Variants in HPRT1 observed in about 807,000 individuals in gnomAD.
HPRT1 encodes the protein hypoxanthine-guanine phosphoribosyltransferase.
Under a neutral mutation model 19.0 loss-of-function variants are expected in HPRT1, and 4 were observed. That is an observed-to-expected ratio of 0.21 (90% CI 0.10 to 0.48). HPRT1 has a LOEUF of 0.48. Among genes scored for constraint, HPRT1 ranks in the 20% least tolerant of loss-of-function variants. The probability of loss-of-function intolerance (pLI) is 0.98; values close to 1 mark genes in which losing one functional copy is unlikely to be tolerated. For synonymous variants in HPRT1, 53 were observed against 54.9 expected, an observed-to-expected ratio of 0.97 and a Z score of 0.15; for missense variants, 65 against 164.0, an observed-to-expected ratio of 0.40 and a Z score of 3.30.
At chrX:134,460,428 C>T (rs1240304652) in intron 1 of HPRT1, 90 bp downstream of exon 1, 14 of 782,820 alleles carry the variant, frequency 1.8e-5, no homozygotes, top group Non-Finnish European at 2.1e-5. Flanking sequence ...GCAGTGCGGG[C>T]TCGGGCGGCC....
intron 4 of HPRT1, among the ~76,000 whole-genome samples, chrX:134,489,744 A>T (rs1242193777): frequency 8.9e-6 from 1 of 111,850 alleles, no homozygotes; most frequent in Non-Finnish European, 1.9e-5. Flanking sequence ...GTTTAGCCTA[A>T]TGAGAAAATA....
At chrX:134,479,501 C>T (rs2083248488) in intron 3 of HPRT1, among the ~76,000 whole-genome samples, 1 of 111,926 alleles carries the variant, frequency 8.9e-6, no homozygotes, top group African/African-American at 3.2e-5. Flanking sequence ...AACTCTTGAC[C>T]TCTGGTGATC....
intron 5 of HPRT1, among the ~76,000 whole-genome samples, chrX:134,492,100 A>T (rs1264818917): frequency 3.0e-5 from 3 of 98,821 alleles, no homozygotes; most frequent in Admixed American, 2.3e-4. Context: ...GGGTTTTGCC[A>T]TGTTGGCCAG....
intron 3 of HPRT1, among the ~76,000 whole-genome samples, chrX:134,478,383 G>A (rs1466375895): frequency 9.0e-6 from 1 of 110,934 alleles, no homozygotes; most frequent in Non-Finnish European, 1.9e-5. Context: ...TTGGGAGATC[G>A]AGGTGGGAGA....
At chrX:134,460,783 AC>A (rs1456686806) in intron 1 of HPRT1, among the ~76,000 whole-genome samples, 1 of 109,415 alleles carries the variant, frequency 9.1e-6, no homozygotes, top group Non-Finnish European at 1.9e-5. Flanking sequence ...ACGGAAAGCG[AC>A]CACCTGGGAG....
intron 3 of HPRT1, 135 bp downstream of exon 3, chrX:134,475,499 C>A: frequency 2.2e-6 from 1 of 455,437 alleles, no homozygotes; most frequent in Non-Finnish European, 3.8e-6. Flanking sequence ...TTCACTAGTA[C>A]TTTACATCAA....
chrX:134,488,684 T>G (rs959751777), intron 4 of HPRT1, among the ~76,000 whole-genome samples: 2 of 111,262 alleles, frequency 1.8e-5, no homozygotes, highest in African/African-American at 3.3e-5. Context: ...ATTCTTTTGT[T>G]TTTTAGACTC....
At chrX:134,490,643 T>C (rs921395605) in intron 5 of HPRT1, among the ~76,000 whole-genome samples, 1 of 106,561 alleles carries the variant, frequency 9.4e-6, no homozygotes. Flanking sequence ...GGCTAAGCAG[T>C]TTCCTAGGGT....
chrX:134,491,725 A>G (rs2077666927), intron 5 of HPRT1, among the ~76,000 whole-genome samples: 1 of 107,801 alleles, frequency 9.3e-6, no homozygotes, highest in East Asian at 2.9e-4. Context: ...GACCTTTTGC[A>G]TTTAATTTTA....
At chrX:134,477,015 GTTTAT>G (rs200027842) in intron 3 of HPRT1, among the ~76,000 whole-genome samples, 17,403 of 97,482 alleles carry the variant, frequency 0.18, 1,826 homozygotes, top group East Asian at 0.4. Flanking sequence ...TTATTGATAT[GTTTAT>G]TTTATTTTAT....
intron 1 of HPRT1, among the ~76,000 whole-genome samples, chrX:134,472,023 G>T (rs1017209392): frequency 9.0e-6 from 1 of 111,363 alleles, no homozygotes; most frequent in South Asian, 3.7e-4. Flanking sequence ...ACGCTGGAGT[G>T]CTGTGGTATG....
chrX:134,478,175 C>G (rs1221199182), intron 3 of HPRT1, among the ~76,000 whole-genome samples: 1 of 111,865 alleles, frequency 8.9e-6, no homozygotes, highest in African/African-American at 3.2e-5. Flanking sequence ...GAGTTAAAAT[C>G]TGGCTGATCC....
At chrX:134,472,670 G>A (rs2283774) in intron 1 of HPRT1, among the ~76,000 whole-genome samples, 14,400 of 110,241 alleles carry the variant, frequency 0.13, 965 homozygotes, top group East Asian at 0.42. Context: ...GGGTACAAGC[G>A]ATTCTCCTGC....
At chrX:134,498,805 A>G (rs2077688061) in intron 8 of HPRT1, 121 bp downstream of exon 8, 1 of 546,997 alleles carries the variant, frequency 1.8e-6, no homozygotes, top group African/African-American at 2.2e-5. Context: ...CCCATTAGTC[A>G]CATAAAGCTG....
chrX:134,486,818 T>TAAA (rs200825657), intron 4 of HPRT1, among the ~76,000 whole-genome samples: 2 of 88,053 alleles, frequency 2.3e-5, no homozygotes, highest in Non-Finnish European at 4.6e-5. Flanking sequence ...AGATAGCCTT[T>TAAA]AAAAAAAAAA....
chrX:134,479,439 T>C (rs1227156722), intron 3 of HPRT1, among the ~76,000 whole-genome samples: 1 of 109,675 alleles, frequency 9.1e-6, no homozygotes, highest in Non-Finnish European at 1.9e-5. Context: ...CTGGCTAATT[T>C]TTGTATTTTT....
intron 3 of HPRT1, among the ~76,000 whole-genome samples, chrX:134,481,776 CT>C (rs2077641241): frequency 9.0e-6 from 1 of 111,504 alleles, no homozygotes; most frequent in Non-Finnish European, 1.9e-5. Context: ...TCCCCTGATT[CT>C]TAGAACATGA....
chrX:134,463,264 T>C (rs2077589016), intron 1 of HPRT1, among the ~76,000 whole-genome samples: 1 of 111,819 alleles, frequency 8.9e-6, no homozygotes, highest in Non-Finnish European at 1.9e-5. Context: ...ACACTTGAGC[T>C]AAGAAAAAGC....
At position 134,498,442 on chromosome X, in the gene HPRT1, T is replaced by A; in HGVS notation, c.532+6T>A. ...TGTTGGATATAAGCCAGACTGTAAGTGAATTACTTTTTTTGTCAATCATTT... is the reference window on the plus strand; with the variant it reads ...TGTTGGATATAAGCCAGACTGTAAGAGAATTACTTTTTTTGTCAATCATTT... On this transcript the variant is annotated splice_donor_region_variant and intron_variant, in intron 7 of 8. Coordinates refer to ENST00000298556, the MANE Select transcript of HPRT1 (RefSeq NM_000194.3). The A allele has an allele frequency of 8.4e-7, 1 of 1,193,001 alleles. No individual in the cohort carries two copies. The highest frequency in any genetic ancestry group is 1.1e-6 in the Non-Finnish European group (1 of 878,094).
Sources: gnomAD v4.1 joint callset for allele counts (sites outside exome capture counted in the v4.1 genomes callset) on GRCh38, gnomAD v4.1.1 for gene constraint, MANE v1.5 for transcripts, NCBI Gene and HGNC (gene_info 2026-07-23, HGNC 2026-07-21) for gene names.